FBXW7: variants seen among roughly 807,000 people sequenced by gnomAD.
The protein encoded by FBXW7 is F-box/WD repeat-containing protein 7.
A neutral mutation model predicts 86.3 loss-of-function variants in FBXW7; 11 were observed. That is an observed-to-expected ratio of 0.13 (90% CI 0.08 to 0.21). The LOEUF is 0.21. FBXW7 is among the 10% of genes least tolerant of loss of function. FBXW7 has a pLI of 1.00. For synonymous variants in FBXW7, 313 were observed against 297.9 expected (o/e 1.05, Z -0.52); for missense variants, 488 against 847.4 (o/e 0.58, Z 5.27).
chr4:152,498,295 CA>C (rs11410930), intron 2 of FBXW7, among the ~76,000 whole-genome samples: 6 of 150,616 alleles, frequency 4.0e-5, no homozygotes, highest in Non-Finnish European at 5.9e-5. Context: ...TTTGTCAAGG[CA>C]AAAAAAAACT....
intron 2 of FBXW7, among the ~76,000 whole-genome samples, chr4:152,415,116 C>T (rs529176481): frequency 6.6e-6 from 1 of 152,146 alleles, no homozygotes; most frequent in East Asian, 1.9e-4. Flanking sequence ...TAAAAGTGGG[C>T]ATAGATACAG....
At chr4:152,409,916 A>G (rs935108681) in intron 4 of FBXW7, among the ~76,000 whole-genome samples, 5 of 152,180 alleles carry the variant, frequency 3.3e-5, no homozygotes, top group Non-Finnish European at 5.9e-5. Flanking sequence ...CAAATTCAGT[A>G]TACTTCGTTT....
chr4:152,351,576 C>T (rs1337681791), intron 4 of FBXW7, among the ~76,000 whole-genome samples: 2 of 151,908 alleles, frequency 1.3e-5, no homozygotes, highest in South Asian at 2.1e-4. Context: ...CACGTGTTTC[C>T]GTGTATATAA....
intron 7 of FBXW7, among the ~76,000 whole-genome samples, chr4:152,336,358 T>A (rs1455426671): frequency 6.6e-6 from 1 of 152,088 alleles, no homozygotes; most frequent in Non-Finnish European, 1.5e-5. Context: ...TTACACAACA[T>A]TTTGTCTGTT....
intron 4 of FBXW7, among the ~76,000 whole-genome samples, chr4:152,386,856 T>C (rs1040717200): frequency 2.0e-5 from 3 of 152,214 alleles, no homozygotes; most frequent in Admixed American, 2.0e-4. Context: ...AAATGTGACA[T>C]GTAATAAAAT....
At chr4:152,382,080 T>C (rs1735127883) in intron 4 of FBXW7, 1 of 647,788 alleles carries the variant, frequency 1.5e-6, no homozygotes, top group East Asian at 3.0e-5. Context: ...AATGCATTGA[T>C]AGTTTTAATT....
chr4:152,521,216 T>C (rs1748981810), intron 2 of FBXW7, among the ~76,000 whole-genome samples: 1 of 152,004 alleles, frequency 6.6e-6, no homozygotes, highest in African/African-American at 2.4e-5. Flanking sequence ...TTAAGTGCTA[T>C]AAAAGCCACA....
At chr4:152,518,187 C>T (rs925227463) in intron 2 of FBXW7, among the ~76,000 whole-genome samples, 10 of 152,044 alleles carry the variant, frequency 6.6e-5, no homozygotes, top group Admixed American at 3.9e-4. Flanking sequence ...CAGGGTTTCA[C>T]CATGCCAGCC....
At chr4:152,342,650 T>C (rs1000451206) in intron 6 of FBXW7, among the ~76,000 whole-genome samples, 1 of 152,214 alleles carries the variant, frequency 6.6e-6, no homozygotes, top group African/African-American at 2.4e-5. Context: ...CTCTAGCACA[T>C]GGTTATCCAG....
chr4:152,393,524 A>G (rs958025060), intron 4 of FBXW7, among the ~76,000 whole-genome samples: 1 of 152,158 alleles, frequency 6.6e-6, no homozygotes, highest in African/African-American at 2.4e-5. Flanking sequence ...GTACCTCAGT[A>G]TATTTAAGTT....
chr4:152,451,552 G>A (rs1343087260), intron 2 of FBXW7: 1 of 152,054 alleles, frequency 6.6e-6, no homozygotes, highest in East Asian at 1.9e-4. Flanking sequence ...TGCTGAGTTG[G>A]GTGCAAGTAG....
At chr4:152,352,703 G>C (rs752930098) in intron 4 of FBXW7, 2 of 1,613,844 alleles carry the variant, frequency 1.2e-6, no homozygotes, top group Non-Finnish European at 1.7e-6. Context: ...ATGCAGCTCA[G>C]TATCAAACCG....
At position 152,323,009 on chromosome 4, in the gene FBXW7, C is replaced by G. The variant is rs1728680699; in HGVS notation, c.1996G>C (p.Gly666Arg). Residue 666 changes from glycine (G) to arginine (R), a missense_variant, in exon 14 of 14, where the codon GGG becomes CGG. Gly to Arg is a moderately radical substitution (Grantham distance 125). Transcript: ENST00000281708. ...FIRNLVTLES[G>R]GSGGVVWRIR... Reference sequence around the variant, plus strand: ...CGCCACACAACTCCCCCACTCCCCCCACTCTCCAATGTGACTAGGTTTCGA... The same window carrying G: ...CGCCACACAACTCCCCCACTCCCCCGACTCTCCAATGTGACTAGGTTTCGA... 3.1e-6 allele frequency: 5 copies of G among 1,613,900 alleles called. No individual in the cohort carries two copies. The highest frequency in any genetic ancestry group is 4.2e-6 in the Non-Finnish European group (5 of 1,179,874).
chr4:152,460,816 GT>G (rs1019674405), intron 2 of FBXW7, among the ~76,000 whole-genome samples: 5 of 152,120 alleles, frequency 3.3e-5, no homozygotes, highest in African/African-American at 1.2e-4. Flanking sequence ...AGTTGTGGGG[GT>G]TTTCAGCCAT....
intron 2 of FBXW7, among the ~76,000 whole-genome samples, chr4:152,460,470 C>T (rs1282982437): frequency 6.6e-6 from 1 of 152,164 alleles, no homozygotes. Context: ...GGTGCCATTT[C>T]CCTTGAAATT....
intron 2 of FBXW7, among the ~76,000 whole-genome samples, chr4:152,499,609 T>C (rs1303732610): frequency 6.6e-6 from 1 of 151,668 alleles, no homozygotes; most frequent in African/African-American, 2.4e-5. Context: ...CTCGGTGATA[T>C]CCCCCTCCTT....
intron 4 of FBXW7, among the ~76,000 whole-genome samples, chr4:152,370,292 C>T (rs978515106): frequency 8.6e-5 from 13 of 151,898 alleles, no homozygotes; most frequent in African/African-American, 2.9e-4. Context: ...AAGAAAATCC[C>T]ATTCAACATT....
Position 152,324,294 on chromosome 4 carries a change from G to A in FBXW7, c.1745C>T (p.Ser582Leu), listed in dbSNP as rs2126478122. The A allele has an allele frequency of 6.2e-7, 1 of 1,612,798 alleles. No homozygotes were observed. Among genetic ancestry groups the A allele is most frequent in the Non-Finnish European group, 8.5e-7 (1 of 1,179,264 alleles). The change falls in exon 13 of 14, where the codon TCG becomes TTG. Residue 582 changes from serine to leucine, a missense_variant. Coordinates refer to ENST00000281708, the MANE Select transcript of FBXW7 (RefSeq NM_001349798.2). The part of the protein sequence containing the change: ...NCIHTLTGHQ[S>L]LTSGMELKDN... ...TTTGAGTTCCATTCCACTTGTTAAC[G>A]ACTGGTGCCCTGTTAACGTGTGAAT...
chr4:152,473,475 T>C (rs1320148658), intron 2 of FBXW7, among the ~76,000 whole-genome samples: 1 of 152,106 alleles, frequency 6.6e-6, no homozygotes, highest in Non-Finnish European at 1.5e-5. Flanking sequence ...TGGAATCTTT[T>C]GAAGAAAAAC....
Sources: gnomAD v4.1 joint callset for allele counts (sites outside exome capture counted in the v4.1 genomes callset) on GRCh38, gnomAD v4.1.1 for gene constraint, MANE v1.5 for transcripts, NCBI Gene and HGNC (gene_info 2026-07-23, HGNC 2026-07-21) for gene names.